Variants in SMYD3 observed in about 807,000 individuals in gnomAD.
SMYD3 encodes SET and MYND domain containing 3, also known as histone-lysine N-methyltransferase SMYD3.
Under a neutral mutation model 57.7 loss-of-function variants are expected in SMYD3, and 36 were observed. The observed-to-expected ratio is 0.62, with a 90% CI of 0.48 to 0.82. The LOEUF (loss-of-function observed/expected upper bound fraction) is 0.82, where lower values mean the gene tolerates loss of function less well. SMYD3 is among the 40% of genes least tolerant of loss of function. The pLI is 0.00. For synonymous variants in SMYD3, 211 were observed against 195.0 expected, an observed-to-expected ratio of 1.08 and a Z score of -0.68; for missense variants, 515 against 538.8, an observed-to-expected ratio of 0.96 and a Z score of 0.44.
chr1:246,100,480 A>T (rs2060989667), intron 5 of SMYD3, among the ~76,000 whole-genome samples: 1 of 152,090 alleles, frequency 6.6e-6, no homozygotes, highest in Non-Finnish European at 1.5e-5. Context: ...CTCATACCAA[A>T]GCTCACTTTT....
At chr1:245,775,518 C>T (rs2046545304) in intron 10 of SMYD3, among the ~76,000 whole-genome samples, 2 of 150,516 alleles carry the variant, frequency 1.3e-5, no homozygotes, top group Non-Finnish European at 2.9e-5. Context: ...AGGCAGCAGG[C>T]TCGTTAAGAG....
intron 11 of SMYD3, among the ~76,000 whole-genome samples, chr1:245,762,861 C>T (rs2045911061): frequency 6.6e-6 from 1 of 152,222 alleles, no homozygotes; most frequent in Admixed American, 6.5e-5. Flanking sequence ...CACCGTCACT[C>T]TTCTGCACAC....
intron 5 of SMYD3, among the ~76,000 whole-genome samples, chr1:246,299,237 G>GA (rs1193990639): frequency 6.6e-6 from 1 of 152,050 alleles, no homozygotes; most frequent in African/African-American, 2.4e-5. Flanking sequence ...ACAAGTGTAT[G>GA]AAAAAAAGCT....
chr1:246,385,167 G>C (rs2066453602), intron 1 of SMYD3, among the ~76,000 whole-genome samples: 2 of 152,092 alleles, frequency 1.3e-5, no homozygotes, highest in Non-Finnish European at 2.9e-5. Context: ...CTTTCAAACT[G>C]AATTTAATTG....
At chr1:246,209,277 G>T (rs2063050296) in intron 5 of SMYD3, among the ~76,000 whole-genome samples, 1 of 151,606 alleles carries the variant, frequency 6.6e-6, no homozygotes. Flanking sequence ...AATTTGAAAT[G>T]TAAAAGCCAT....
At chr1:246,225,568 C>T (rs1048128490) in intron 5 of SMYD3, among the ~76,000 whole-genome samples, 1 of 152,052 alleles carries the variant, frequency 6.6e-6, no homozygotes, top group Non-Finnish European at 1.5e-5. Context: ...CACAGGAGAG[C>T]GAGCCCGCAC....
chr1:245,968,173 C>T (rs887236138), intron 5 of SMYD3, among the ~76,000 whole-genome samples: 5 of 151,944 alleles, frequency 3.3e-5, no homozygotes, highest in African/African-American at 1.2e-4. Context: ...GTCAGAACAG[C>T]GTTAGACCAC....
At chr1:246,224,035 A>C (rs1264765957) in intron 5 of SMYD3, among the ~76,000 whole-genome samples, 1 of 152,084 alleles carries the variant, frequency 6.6e-6, no homozygotes, top group Middle Eastern at 3.2e-3. Flanking sequence ...TCTTCTGAGA[A>C]TCTTTCATTC....
chr1:246,172,667 A>G lies in SMYD3; in HGVS notation c.531+154534T>C, dbSNP rs538436402. Among the ~76,000 whole-genome samples the G allele has an allele frequency of 2.0e-5, 3 of 147,488 alleles. No individual in the cohort carries two copies. The South Asian group carries it at 6.8e-4, about 33-fold the overall frequency. Reference sequence around the variant, plus strand: ...CTGTACTCTACTGTAGACTTTATCAACACTACACACTTAGGCTACACAGGC... The same window carrying G: ...CTGTACTCTACTGTAGACTTTATCAGCACTACACACTTAGGCTACACAGGC... On this transcript the variant is annotated intron_variant, in intron 5 of 11. Transcript: ENST00000490107.
chr1:246,297,504 C>T (rs1538692), intron 5 of SMYD3, among the ~76,000 whole-genome samples: 3,900 of 152,214 alleles, frequency 0.026, 77 homozygotes, highest in Non-Finnish European at 0.04. Context: ...AGATCAAGAA[C>T]CCTCAACGAA....
intron 5 of SMYD3, among the ~76,000 whole-genome samples, chr1:246,004,768 C>T (rs1187890180): frequency 6.6e-6 from 1 of 152,182 alleles, no homozygotes; most frequent in East Asian, 1.9e-4. Flanking sequence ...TGAGGCAGGG[C>T]AACCCAGAAA....
chr1:246,090,501 G>C (rs1320891809), intron 5 of SMYD3, among the ~76,000 whole-genome samples: 1 of 145,228 alleles, frequency 6.9e-6, no homozygotes, highest in East Asian at 2.0e-4. Context: ...AAGAGAGAGA[G>C]CTGTTTTTCT....
At chr1:245,955,287 G>C (rs1301942723) in intron 5 of SMYD3, among the ~76,000 whole-genome samples, 2 of 152,134 alleles carry the variant, frequency 1.3e-5, no homozygotes, top group Non-Finnish European at 2.9e-5. Context: ...AGTAGAGACG[G>C]GGTTTCACCG....
intron 5 of SMYD3, among the ~76,000 whole-genome samples, chr1:246,016,531 C>T (rs540642642): frequency 2.0e-5 from 3 of 151,684 alleles, no homozygotes; most frequent in African/African-American, 4.8e-5. Context: ...TGCAGTGAGC[C>T]GAGATCATGC....
intron 5 of SMYD3, among the ~76,000 whole-genome samples, chr1:246,178,081 T>C (rs899523572): frequency 1.3e-5 from 2 of 152,186 alleles, no homozygotes; most frequent in African/African-American, 4.8e-5. Flanking sequence ...CCCTTCTAAT[T>C]AGATGTAGTT....
At chr1:246,212,083 T>G (rs547114011) in intron 5 of SMYD3, among the ~76,000 whole-genome samples, 4 of 152,044 alleles carry the variant, frequency 2.6e-5, no homozygotes, top group Non-Finnish European at 2.9e-5. Flanking sequence ...CACTCAATAC[T>G]GGTAAGGATG....
intron 5 of SMYD3, among the ~76,000 whole-genome samples, chr1:246,276,476 C>T (rs1321846538): frequency 2.3e-5 from 3 of 132,146 alleles, no homozygotes; most frequent in Non-Finnish European, 3.2e-5. Flanking sequence ...TATTTAATGT[C>T]TGTAGTGGAG....
At chr1:245,867,664 G>GCACACACA (rs1553345537) in intron 8 of SMYD3, among the ~76,000 whole-genome samples, 9 of 122,200 alleles carry the variant, frequency 7.4e-5, no homozygotes, top group African/African-American at 2.3e-4. Context: ...GTGTGCGTGC[G>GCACACACA]CGCGCACACA....
chr1:246,185,766 T>C (rs1453185198), intron 5 of SMYD3, among the ~76,000 whole-genome samples: 1 of 152,144 alleles, frequency 6.6e-6, no homozygotes, highest in Non-Finnish European at 1.5e-5. Flanking sequence ...GGCTGGTAAT[T>C]CCTTTTCAAG....
Sources: allele counts gnomAD v4.1 joint callset (sites outside exome capture counted in the v4.1 genomes callset), GRCh38; gene constraint gnomAD v4.1.1; transcripts MANE v1.5; gene names NCBI Gene and HGNC (gene_info 2026-07-23, HGNC 2026-07-21).